DLG1: variants seen among roughly 807,000 people sequenced by gnomAD.
The protein encoded by DLG1 is discs large MAGUK scaffold protein 1, also known as disks large homolog 1.
A neutral mutation model predicts 123.4 loss-of-function variants in DLG1; 42 were observed. That is an observed-to-expected ratio of 0.34 (90% CI 0.27 to 0.44). The LOEUF is 0.44. Among genes scored for constraint, DLG1 ranks in the 20% least tolerant of loss-of-function variants. The probability of loss-of-function intolerance (pLI) is 1.00; values close to 1 mark genes in which losing one functional copy is unlikely to be tolerated. For missense variants in DLG1, 942 were observed against 1,082.6 expected (o/e 0.87, Z 1.82); for synonymous variants, 317 against 356.2 (o/e 0.89, Z 1.24).
intron 14 of DLG1, among the ~76,000 whole-genome samples, chr3:197,100,884 CA>C (rs1281215950): frequency 6.6e-6 from 1 of 152,166 alleles, no homozygotes; most frequent in East Asian, 1.9e-4. Context: ...CCAGTTTAGA[CA>C]AATGTCATCA....
intron 5 of DLG1, among the ~76,000 whole-genome samples, chr3:197,174,535 C>A (rs1317405404): frequency 6.6e-6 from 1 of 152,158 alleles, no homozygotes; most frequent in Non-Finnish European, 1.5e-5. Flanking sequence ...TTTTTATTCT[C>A]TTTTCTTTGT....
intron 5 of DLG1, among the ~76,000 whole-genome samples, chr3:197,171,690 A>G (rs143676180): frequency 6.6e-6 from 1 of 152,200 alleles, no homozygotes; most frequent in South Asian, 2.1e-4. Flanking sequence ...ACAGTATTCT[A>G]TCAGCATTCA....
chr3:197,046,552 A>AATTGAGGGAGGGACATTTTAT (rs1723210428), intron 24 of DLG1, among the ~76,000 whole-genome samples: 2 of 152,146 alleles, frequency 1.3e-5, no homozygotes, highest in Non-Finnish European at 2.9e-5. Flanking sequence ...GATAAATCCA[A>AATTGAGGGAGGGACATTTTAT]ATTGAGGGAG....
intron 4 of DLG1, among the ~76,000 whole-genome samples, chr3:197,248,797 G>A (rs142369915): frequency 3.3e-5 from 5 of 152,306 alleles, no homozygotes; most frequent in African/African-American, 1.2e-4. Flanking sequence ...GGTGGACGGA[G>A]GCATGCCTGG....
At chr3:197,128,848 G>GA (rs1781097407) in intron 11 of DLG1, among the ~76,000 whole-genome samples, 1 of 149,558 alleles carries the variant, frequency 6.7e-6, no homozygotes. Context: ...TTTTTTTTTT[G>GA]TTTTTTTCTG....
At chr3:197,286,433 C>G (rs1771881995) in intron 3 of DLG1, among the ~76,000 whole-genome samples, 1 of 152,152 alleles carries the variant, frequency 6.6e-6, no homozygotes, top group Admixed American at 6.5e-5. Flanking sequence ...CAATCTAGAT[C>G]CCTTGCACGC....
At chr3:197,185,505 G>A (rs1321971677) in intron 5 of DLG1, among the ~76,000 whole-genome samples, 1 of 152,138 alleles carries the variant, frequency 6.6e-6, no homozygotes, top group African/African-American at 2.4e-5. Context: ...GCCCCAGAGT[G>A]ATCCTATCTA....
chr3:197,115,864 C>G, intron 13 of DLG1, 63 bp downstream of exon 13: 1 of 1,525,854 alleles, frequency 6.6e-7, no homozygotes, highest in East Asian at 2.3e-5. Context: ...AAACAGAAGA[C>G]CTTGCTTTAA....
chr3:197,174,762 C>T lies in DLG1; in HGVS notation c.483+19663G>A, dbSNP rs140510286. Among the ~76,000 whole-genome samples the T allele has an allele frequency of 1.8e-4, 28 of 152,144 alleles. No homozygotes were observed. The East Asian group carries it at 5.0e-3, about 27-fold the overall frequency. On this transcript the variant is annotated intron_variant, in intron 5 of 24. Coordinates refer to ENST00000667157, the MANE Select transcript of DLG1 (RefSeq NM_001366207.1). ...GGTGGGATCTGTTTTAATTTAAATGCCAGTTTATTGCTCTTGAACGTGGCT... is the reference window on the plus strand; with the variant it reads ...GGTGGGATCTGTTTTAATTTAAATGTCAGTTTATTGCTCTTGAACGTGGCT...
intron 5 of DLG1, among the ~76,000 whole-genome samples, chr3:197,180,832 TG>T (rs1484322250): frequency 1.3e-5 from 2 of 152,064 alleles, no homozygotes; most frequent in Non-Finnish European, 2.9e-5. Context: ...ATACAGGTAC[TG>T]AAGAGGTATT....
intron 23 of DLG1, among the ~76,000 whole-genome samples, chr3:197,056,315 C>T (rs114945446): frequency 3.9e-5 from 6 of 152,248 alleles, no homozygotes; most frequent in African/African-American, 1.2e-4. Context: ...GGAATATACC[C>T]AACTTGGTTG....
chr3:197,099,876 T>A (rs1762526406), intron 14 of DLG1, among the ~76,000 whole-genome samples: 1 of 152,200 alleles, frequency 6.6e-6, no homozygotes, highest in South Asian at 2.1e-4. Context: ...TTGTTTTAAG[T>A]ACAATAGCTC....
chr3:197,278,041 T>C (rs6766691), intron 4 of DLG1, among the ~76,000 whole-genome samples: 2,531 of 151,876 alleles, frequency 0.017, 26 homozygotes, highest in Middle Eastern at 0.058. Flanking sequence ...TCCCAGCACT[T>C]TGGGAGGCCA....
chr3:197,067,757 A>T (rs779856555), intron 19 of DLG1, among the ~76,000 whole-genome samples: 1 of 152,086 alleles, frequency 6.6e-6, no homozygotes, highest in Non-Finnish European at 1.5e-5. Flanking sequence ...GGGTTTCTCC[A>T]CGTTGGTCAG....
chr3:197,065,485 T>TAA (rs3214530), intron 21 of DLG1, 37 bp from the exon 22 acceptor site: 42 of 1,366,702 alleles, frequency 3.1e-5, no homozygotes, highest in East Asian at 2.3e-4. Flanking sequence ...TGTTTAATAT[T>TAA]AAAAAAAAAA....
Position 197,043,644 on chromosome 3 carries a change from A to C in DLG1, c.*979T>G, listed in dbSNP as rs1007057512. ...TAATTCCCATAGTTACAGTTTAAAG[A>C]AAGTTTTATATATATATTTATATAT... On this transcript the variant is annotated 3_prime_UTR_variant, in exon 25 of 25. Coordinates refer to ENST00000667157, the MANE Select transcript of DLG1 (RefSeq NM_001366207.1). 6.6e-6 allele frequency: 1 copy of C among 150,812 alleles called. No homozygotes were observed. The highest frequency in any genetic ancestry group is 2.4e-5 in the African/African-American group (1 of 41,242). The allele number at this position is 150,812 out of a possible 1,614,324, so 9.3% of individuals were successfully genotyped here.
In DLG1 at chr3:197,124,314, G is replaced by A. The variant is rs890773123; in HGVS notation, c.1166-4784C>T. Among the ~76,000 whole-genome samples, 2 of 152,036 alleles carry A rather than the reference G, an allele frequency of 1.3e-5. 1 individual carries two copies. Among genetic ancestry groups the A allele is most frequent in the Middle Eastern group, 6.3e-3 (2 of 316 alleles). On this transcript the variant is annotated intron_variant, in intron 11 of 24. Coordinates refer to ENST00000667157, the MANE Select transcript of DLG1 (RefSeq NM_001366207.1). ...TTTTCTTACAGAGTCTTGCTTTGTCGCCCAGGCTGGACTACAGTGGCGCGA... is the reference window on the plus strand; with the variant it reads ...TTTTCTTACAGAGTCTTGCTTTGTCACCCAGGCTGGACTACAGTGGCGCGA...
At chr3:197,222,667 C>G (rs1048858625) in intron 4 of DLG1, among the ~76,000 whole-genome samples, 1 of 152,166 alleles carries the variant, frequency 6.6e-6, no homozygotes, top group African/African-American at 2.4e-5. Flanking sequence ...TAAGTGGGAA[C>G]AGTACCTTTT....
intron 4 of DLG1, among the ~76,000 whole-genome samples, chr3:197,236,344 TTC>T (rs1414957336): frequency 6.6e-6 from 1 of 151,898 alleles, no homozygotes; most frequent in Non-Finnish European, 1.5e-5. Context: ...ATAAAAATAC[TTC>T]TTTCAAGTAA....
Sources: allele counts gnomAD v4.1 joint callset (sites outside exome capture counted in the v4.1 genomes callset), GRCh38; gene constraint gnomAD v4.1.1; transcripts MANE v1.5; gene names NCBI Gene and HGNC (gene_info 2026-07-23, HGNC 2026-07-21).